Variants in CSMD1 observed in about 807,000 individuals in gnomAD.
The protein encoded by CSMD1 is CUB and sushi domain-containing protein 1.
CSMD1 carries 213 observed loss-of-function variants against 417.5 expected under a neutral mutation model. That is an observed-to-expected ratio of 0.51 (90% CI 0.46 to 0.57). The LOEUF (loss-of-function observed/expected upper bound fraction) is 0.57. CSMD1 is among the 20% of genes least tolerant of loss of function. The pLI is 0.00. For missense variants in CSMD1, 6,923 were observed against 4,529.7 expected (o/e 1.53, Z -15.17); for synonymous variants, 2,862 against 1,736.8 (o/e 1.65, Z -16.11).
intron 3 of CSMD1, among the ~76,000 whole-genome samples, chr8:4,217,460 C>G (rs1197686276): frequency 1.3e-5 from 2 of 152,066 alleles, no homozygotes; most frequent in Non-Finnish European, 2.9e-5. Context: ...TAGCTATACA[C>G]AGTGAATTAA....
chr8:3,347,273 C>T (rs1808074814), intron 22 of CSMD1, among the ~76,000 whole-genome samples: 1 of 152,314 alleles, frequency 6.6e-6, no homozygotes, highest in Admixed American at 6.5e-5. Context: ...TCTCCAACCC[C>T]TAGGCCATGG....
At chr8:4,742,455 G>T (rs150855668) in intron 1 of CSMD1, among the ~76,000 whole-genome samples, 1 of 151,836 alleles carries the variant, frequency 6.6e-6, no homozygotes, top group Admixed American at 6.6e-5. Flanking sequence ...AGAGGTATTT[G>T]GTGTTTACTT....
At chr8:3,871,582 T>C (rs1186441260) in intron 5 of CSMD1, among the ~76,000 whole-genome samples, 1 of 152,204 alleles carries the variant, frequency 6.6e-6, no homozygotes, top group African/African-American at 2.4e-5. Context: ...ATAATTTTTA[T>C]ATATTAGGAA....
intron 5 of CSMD1, among the ~76,000 whole-genome samples, chr8:3,915,439 T>C (rs1247848100): frequency 7.0e-6 from 1 of 143,322 alleles, no homozygotes; most frequent in East Asian, 2.0e-4. Context: ...GAGTTTAGCA[T>C]AGTAGGTTCG....
intron 3 of CSMD1, among the ~76,000 whole-genome samples, chr8:4,070,071 G>C (rs1003017952): frequency 2.0e-5 from 3 of 151,596 alleles, no homozygotes; most frequent in African/African-American, 4.8e-5. Context: ...CAGTGTTTTA[G>C]TGTTTGCTCT....
chr8:4,022,801 G>T (rs566595424), intron 4 of CSMD1, among the ~76,000 whole-genome samples: 5 of 152,306 alleles, frequency 3.3e-5, no homozygotes, highest in East Asian at 3.9e-4. Flanking sequence ...AAGCAATCGT[G>T]TAAGTTAGAG....
intron 7 of CSMD1, among the ~76,000 whole-genome samples, chr8:3,647,127 A>C (rs1021877866): frequency 1.3e-5 from 2 of 152,168 alleles, no homozygotes; most frequent in African/African-American, 4.8e-5. Flanking sequence ...GGAATAAATC[A>C]TAGGAATGTA....
chr8:4,818,469 C>A (rs904764961), intron 1 of CSMD1, among the ~76,000 whole-genome samples: 13 of 152,194 alleles, frequency 8.5e-5, no homozygotes, highest in African/African-American at 2.4e-4. Flanking sequence ...TAAATTCAAC[C>A]TCAGCAACAA....
chr8:4,012,888 C>T (rs941768167), intron 4 of CSMD1, among the ~76,000 whole-genome samples: 1 of 152,154 alleles, frequency 6.6e-6, no homozygotes, highest in East Asian at 1.9e-4. Flanking sequence ...TGTGTCACAA[C>T]CACTGTGTAG....
intron 11 of CSMD1, among the ~76,000 whole-genome samples, chr8:3,482,239 C>T (rs1227364089): frequency 6.6e-6 from 1 of 151,880 alleles, no homozygotes; most frequent in Non-Finnish European, 1.5e-5. Context: ...CAGAGAGAGG[C>T]AGAATGTATT....
chr8:4,027,743 G>C (rs1371164516), intron 4 of CSMD1, among the ~76,000 whole-genome samples: 2 of 152,142 alleles, frequency 1.3e-5, no homozygotes, highest in Non-Finnish European at 2.9e-5. Flanking sequence ...AAGCCAGTCT[G>C]TTTGAGAAGG....
At chr8:4,135,248 C>T (rs986393551) in intron 3 of CSMD1, among the ~76,000 whole-genome samples, 1 of 151,200 alleles carries the variant, frequency 6.6e-6, no homozygotes, top group Non-Finnish European at 1.5e-5. Context: ...TATATTTATT[C>T]ATGTCTAATG....
chr8:4,793,085 ACT>A (rs1797780740), intron 1 of CSMD1, among the ~76,000 whole-genome samples: 1 of 152,000 alleles, frequency 6.6e-6, no homozygotes, highest in African/African-American at 2.4e-5. Context: ...ATAATATAGC[ACT>A]GTCATATACA....
rs116199680 is a variant in CSMD1 at position 4,125,849 on chromosome 8, G to C, written c.416-93750C>G. On this transcript the variant is annotated intron_variant, in intron 3 of 69. Transcript: ENST00000635120. ...TCTTACCTGGTGTCCAGTCTGCTTT[G>C]CAGGACTAACAAATTAGCTACAAGT... Among the ~76,000 whole-genome samples, 503 of 152,242 alleles carry C rather than the reference G, an allele frequency of 3.3e-3. 4 individuals are homozygous for C. Among genetic ancestry groups the C allele is most frequent in the African/African-American group, 0.011 (473 of 41,524 alleles).
At chr8:3,300,443 C>G (rs1409584645) in intron 25 of CSMD1, among the ~76,000 whole-genome samples, 1 of 151,960 alleles carries the variant, frequency 6.6e-6, no homozygotes, top group Non-Finnish European at 1.5e-5. Context: ...TTATCCTGCA[C>G]ATAATGAGTG....
Position 4,087,677 on chromosome 8 carries a change from T to C in CSMD1, c.416-55578A>G, listed in dbSNP as rs144934187. 2.8e-3 allele frequency among the ~76,000 whole-genome samples: 431 copies of C among 152,328 alleles called. 2 individuals carry two copies. Among genetic ancestry groups the C allele is most frequent in the African/African-American group, 9.8e-3 (409 of 41,586 alleles). ...TTTCTCATTTTGTGTTTGCTCATTC[T>C]TCCTCTCGTGTCTCTGCCTGGCATC... On this transcript the variant is annotated intron_variant, in intron 3 of 69. Coordinates refer to ENST00000635120, the MANE Select transcript of CSMD1 (RefSeq NM_033225.6).
intron 3 of CSMD1, among the ~76,000 whole-genome samples, chr8:4,328,530 T>C (rs1799687446): frequency 6.6e-6 from 1 of 152,084 alleles, no homozygotes; most frequent in Non-Finnish European, 1.5e-5. Flanking sequence ...AAGCATCTCC[T>C]GTACTCTATA....
chr8:3,613,767 T>A (rs1802006626), intron 8 of CSMD1, among the ~76,000 whole-genome samples: 1 of 149,738 alleles, frequency 6.7e-6, no homozygotes, highest in African/African-American at 2.4e-5. Context: ...GAAGGATACT[T>A]CCTCAAACTG....
chr8:3,719,339 C>G (rs992974286), intron 6 of CSMD1, among the ~76,000 whole-genome samples: 1 of 152,090 alleles, frequency 6.6e-6, no homozygotes, highest in Non-Finnish European at 1.5e-5. Flanking sequence ...CTGAAATGTT[C>G]TGAAATCCTG....
Sources: gnomAD v4.1 joint callset for allele counts (sites outside exome capture counted in the v4.1 genomes callset) on GRCh38, gnomAD v4.1.1 for gene constraint, MANE v1.5 for transcripts, NCBI Gene and HGNC (gene_info 2026-07-23, HGNC 2026-07-21) for gene names.